The following ADGRV1 variants were observed in gnomAD, a reference collection of about 807,000 sequenced individuals.
The protein encoded by ADGRV1 is adhesion G protein-coupled receptor V1.
A neutral mutation model predicts 596.2 loss-of-function variants in ADGRV1; 359 were observed. The ratio of observed to expected loss-of-function variants is 0.60; its 90% confidence interval spans 0.55 to 0.66. The LOEUF is 0.66. Ranked by LOEUF, ADGRV1 falls within the 30% of genes least tolerant of loss-of-function variation. The pLI, the probability that ADGRV1 is intolerant of heterozygous loss-of-function variation, is 0.00. For synonymous variants in ADGRV1, 2,681 were observed against 2,679.2 expected (o/e 1.00, Z -0.02); for missense variants, 7,274 against 7,575.6 (o/e 0.96, Z 1.48).
intron 84 of ADGRV1, among the ~76,000 whole-genome samples, chr5:90,979,722 A>G (rs774290083): frequency 2.0e-5 from 3 of 152,210 alleles, no homozygotes; most frequent in Non-Finnish European, 2.9e-5. Context: ...CATTTCTGCA[A>G]TAATCAATCA....
intron 25 of ADGRV1, chr5:90,676,967 C>G (rs1744310175): frequency 6.6e-6 from 1 of 152,130 alleles, no homozygotes; most frequent in Non-Finnish European, 1.5e-5. Flanking sequence ...TAATATGTAT[C>G]CCAATTAGAT....
At chr5:90,895,435 C>A (rs954314423) in intron 83 of ADGRV1, among the ~76,000 whole-genome samples, 1 of 152,070 alleles carries the variant, frequency 6.6e-6, no homozygotes, top group Non-Finnish European at 1.5e-5. Flanking sequence ...CAATAACAGT[C>A]TTGACAGAGA....
chr5:91,159,752 A>G (rs1343773356), intron 89 of ADGRV1, among the ~76,000 whole-genome samples: 2 of 152,196 alleles, frequency 1.3e-5, no homozygotes, highest in Middle Eastern at 3.4e-3. Context: ...AGTGTCCCCA[A>G]CCAGGACTTT....
Position 90,644,922 on chromosome 5 carries a change from AT to A in ADGRV1, c.2898+59del, listed in dbSNP as rs35654587. On this transcript the variant is annotated intron_variant, in intron 15 of 89. Transcript: ENST00000405460. ...TACTTGTTGTAGTTGATCAATAATT[AT>A]TTTTTATTAAATAATTAAACATCTG... 92,378 of 1,214,314 alleles carry A rather than the reference AT, an allele frequency of 0.076. 4,038 individuals carry two copies. The highest frequency in any genetic ancestry group is 0.083 in the Non-Finnish European group (73,844 of 887,310). The allele number at this position is 1,214,314 out of a possible 1,614,324, so 75.2% of individuals were successfully genotyped here.
chr5:90,768,262 A>G (rs1757348279), intron 59 of ADGRV1, among the ~76,000 whole-genome samples: 1 of 152,148 alleles, frequency 6.6e-6, no homozygotes, highest in Non-Finnish European at 1.5e-5. Context: ...TTGTTTGGTC[A>G]TCAGCCTGGT....
At chr5:91,108,565 A>T (rs968038285) in intron 87 of ADGRV1, among the ~76,000 whole-genome samples, 1 of 152,080 alleles carries the variant, frequency 6.6e-6, no homozygotes, top group Non-Finnish European at 1.5e-5. Context: ...AGATCTCAGG[A>T]TCTCTAGCCA....
intron 28 of ADGRV1, among the ~76,000 whole-genome samples, chr5:90,685,010 A>G (rs1745422476): frequency 6.6e-6 from 1 of 152,238 alleles, no homozygotes; most frequent in Admixed American, 6.5e-5. Flanking sequence ...TTTTAATGGC[A>G]CAGTGAACTA....
chr5:91,020,965 G>A (rs1848483), intron 85 of ADGRV1, among the ~76,000 whole-genome samples: 102,786 of 151,886 alleles, frequency 0.68, 34,879 homozygotes, highest in African/African-American at 0.72. Flanking sequence ...TTAAGTTTGA[G>A]TACTTTCAAG....
chr5:90,713,959 A>G (rs956622234), intron 42 of ADGRV1, among the ~76,000 whole-genome samples: 4 of 152,006 alleles, frequency 2.6e-5, no homozygotes, highest in African/African-American at 4.8e-5. Flanking sequence ...CCATTGATTG[A>G]CCTTGAGACT....
chr5:90,618,038 A>G (rs1228997482), intron 3 of ADGRV1, 85 bp downstream of exon 3: 32 of 1,034,826 alleles, frequency 3.1e-5, no homozygotes, highest in East Asian at 1.6e-4. Context: ...CAATCTATCT[A>G]TCTAGAGATG....
chr5:90,745,654 T>C lies in ADGRV1; in HGVS notation c.10833T>C (p.Asp3611=). 1 of 1,613,018 alleles carries C rather than the reference T, an allele frequency of 6.2e-7. No homozygotes were observed. Among genetic ancestry groups the C allele is most frequent in the African/African-American group, 1.3e-5 (1 of 75,042 alleles). Residue 3611 remains aspartate, a synonymous_variant, in exon 52 of 90, where the codon GAT becomes GAC. Coordinates refer to ENST00000405460, the MANE Select transcript of ADGRV1 (RefSeq NM_032119.4). The part of the protein sequence containing the change: ...REATIAVNIL[D]DTVPEKEESF... ...CTACAATAGCAGTAAATATCCTTGA[T>C]GATACAGTTCCAGAAAAAGAAGAAT... is the stretch of plus-strand genomic sequence containing the variant.
intron 78 of ADGRV1, among the ~76,000 whole-genome samples, chr5:90,845,146 T>C (rs1765753149): frequency 6.6e-6 from 1 of 152,084 alleles, no homozygotes; most frequent in Non-Finnish European, 1.5e-5. Flanking sequence ...TGCCAGGCAG[T>C]GTAGGGCGGC....
chr5:90,613,643 T>C (rs570166157), intron 1 of ADGRV1, among the ~76,000 whole-genome samples: 1 of 152,190 alleles, frequency 6.6e-6, no homozygotes, highest in East Asian at 1.9e-4. Flanking sequence ...TTATATCCCT[T>C]TCCTGGACTC....
At chr5:91,102,159 T>C in intron 86 of ADGRV1, 60 bp from the exon 87 acceptor site, 1 of 1,508,072 alleles carries the variant, frequency 6.6e-7, no homozygotes, top group South Asian at 1.2e-5. Context: ...AAAATAACTG[T>C]GTATACATGT....
At position 90,799,532 on chromosome 5, in the gene ADGRV1, C is replaced by G. The variant is rs558844800; in HGVS notation, c.14518-3207C>G. ...AGTAATTTATAGATTCAGTGCTATC[C>G]CCATCAAGCTACCATTGACTTTCTT... On this transcript the variant is annotated intron_variant, in intron 70 of 89. Transcript: ENST00000405460. Among the ~76,000 whole-genome samples, 4 of 152,218 alleles carry G rather than the reference C, an allele frequency of 2.6e-5. No homozygotes were observed. In the South Asian group the frequency reaches 8.3e-4, roughly 32 times the overall value.
At chr5:90,998,956 A>G (rs549596947) in intron 85 of ADGRV1, among the ~76,000 whole-genome samples, 5 of 152,150 alleles carry the variant, frequency 3.3e-5, no homozygotes, top group Non-Finnish European at 7.4e-5. Context: ...TAATTCTTAT[A>G]CAACCCTGTG....
intron 1 of ADGRV1, among the ~76,000 whole-genome samples, chr5:90,580,123 TA>T (rs1445419936): frequency 3.3e-5 from 5 of 152,230 alleles, no homozygotes; most frequent in African/African-American, 1.2e-4. Flanking sequence ...TTAAGGTTAA[TA>T]TTGTTATGTG....
chr5:91,047,838 C>T (rs2151297109), intron 85 of ADGRV1, among the ~76,000 whole-genome samples: 1 of 152,220 alleles, frequency 6.6e-6, no homozygotes, highest in South Asian at 2.1e-4. Flanking sequence ...TGAATAAAAC[C>T]TTAGAAAACT....
intron 79 of ADGRV1, among the ~76,000 whole-genome samples, chr5:90,851,496 G>A (rs1766523663): frequency 6.6e-6 from 1 of 152,162 alleles, no homozygotes; most frequent in Non-Finnish European, 1.5e-5. Context: ...AGTCTGCTGA[G>A]AGTTAAGCAT....
Sources: gnomAD v4.1 joint callset for allele counts (sites outside exome capture counted in the v4.1 genomes callset) on GRCh38, gnomAD v4.1.1 for gene constraint, MANE v1.5 for transcripts, NCBI Gene and HGNC (gene_info 2026-07-23, HGNC 2026-07-21) for gene names.